The following NUMB variants were observed in gnomAD, a reference collection of about 807,000 sequenced individuals.
The protein encoded by NUMB is protein numb homolog.
In NUMB, 29 loss-of-function variants were observed where a neutral mutation model predicts 59.7. The ratio of observed to expected loss-of-function variants is 0.49; its 90% confidence interval spans 0.36 to 0.66. NUMB has a LOEUF of 0.66. Ranked by LOEUF, NUMB falls within the 30% of genes least tolerant of loss-of-function variation. NUMB has a pLI of 0.00. For missense variants in NUMB, 723 were observed against 822.0 expected (o/e 0.88, Z 1.47); for synonymous variants, 288 against 288.2 (o/e 1.00, Z 0.01).
chr14:73,413,625 G>A (rs1438504122), intron 1 of NUMB, among the ~76,000 whole-genome samples: 1 of 151,736 alleles, frequency 6.6e-6, no homozygotes, highest in Non-Finnish European at 1.5e-5. Flanking sequence ...AGGCCTAGTG[G>A]TGCGCATCTG....
intron 4 of NUMB, among the ~76,000 whole-genome samples, chr14:73,351,993 AAAAATAAAAT>A (rs775353863): frequency 1.5e-4 from 23 of 151,638 alleles, no homozygotes; most frequent in Non-Finnish European, 5.9e-5. Context: ...AAAATAAAAT[AAAAATAAAAT>A]AAAATAAAAT....
intron 2 of NUMB, among the ~76,000 whole-genome samples, chr14:73,385,487 G>C (rs534926239): frequency 7.0e-6 from 1 of 142,168 alleles, no homozygotes; most frequent in Non-Finnish European, 1.5e-5. Flanking sequence ...GCTACATATG[G>C]CTAGTGGCCT....
intron 10 of NUMB, among the ~76,000 whole-genome samples, chr14:73,282,711 G>C (rs993317051): frequency 1.3e-5 from 2 of 152,170 alleles, no homozygotes; most frequent in African/African-American, 4.8e-5. Context: ...AGTATAAAAT[G>C]TCAACAATTA....
intron 6 of NUMB, among the ~76,000 whole-genome samples, chr14:73,316,029 G>C (rs1050893840): frequency 6.6e-6 from 1 of 152,056 alleles, no homozygotes; most frequent in Non-Finnish European, 1.5e-5. Context: ...TGGGATTACA[G>C]GTGCACATCA....
At position 73,294,062 on chromosome 14, in the gene NUMB, T is replaced by C. The variant is rs1311934592; in HGVS notation, c.310-1188A>G. ...TTTTGTTGTATGCTGAGTAACTGCA[T>C]TGTAGTCATTGTGAATGTTGTATGT... On this transcript the variant is annotated intron_variant, in intron 7 of 12. Transcript: ENST00000555238. Among the ~76,000 whole-genome samples the C allele has an allele frequency of 9.9e-5, 15 of 152,242 alleles. 1 individual carries two copies. The highest frequency in any genetic ancestry group is 1.5e-4 in the Non-Finnish European group (10 of 68,048).
At chr14:73,375,788 A>G (rs956938846) in intron 2 of NUMB, among the ~76,000 whole-genome samples, 1 of 152,268 alleles carries the variant, frequency 6.6e-6, no homozygotes, top group African/African-American at 2.4e-5. Context: ...CATCATATTA[A>G]CAGGCTAAAA....
chr14:73,417,432 C>T (rs887573799), intron 1 of NUMB, among the ~76,000 whole-genome samples: 1 of 151,862 alleles, frequency 6.6e-6, no homozygotes, highest in African/African-American at 2.4e-5. Flanking sequence ...GAGTGAGGGG[C>T]AACTGAGCCA....
At chr14:73,375,640 C>G (rs1007311118) in intron 2 of NUMB, among the ~76,000 whole-genome samples, 3 of 152,144 alleles carry the variant, frequency 2.0e-5, no homozygotes, top group Admixed American at 2.0e-4. Flanking sequence ...TGCAACCAAG[C>G]TATTAATAAA....
chr14:73,426,645 G>A (rs73310929), intron 1 of NUMB, among the ~76,000 whole-genome samples: 2,243 of 152,220 alleles, frequency 0.015, 52 homozygotes, highest in African/African-American at 0.048. Context: ...TCAGAAGTTC[G>A]AGAACTGCCT....
At position 73,294,950 on chromosome 14, in the gene NUMB, T is replaced by TTAA. The variant is rs1419411157; in HGVS notation, c.310-2077_310-2076insTTA. 2.9e-3 allele frequency among the ~76,000 whole-genome samples: 71 copies of TTAA among 24,390 alleles called. 1 individual carries two copies. The highest frequency in any genetic ancestry group is 0.014 in the African/African-American group (63 of 4,606). The allele number at this position is 24,390 out of a possible 152,430, so 16.0% of individuals were successfully genotyped here. On this transcript the variant is annotated intron_variant, in intron 7 of 12. Coordinates refer to ENST00000555238, the MANE Select transcript of NUMB (RefSeq NM_001005743.2). ...GGGCAACATAGTGAGAACCCATCTC[T>TTAA]AAAAAAAAAAAAAAAAAAAAAATTA... is the stretch of plus-strand genomic sequence containing the variant.
chr14:73,424,028 G>A (rs750391112), intron 1 of NUMB, among the ~76,000 whole-genome samples: 2 of 150,690 alleles, frequency 1.3e-5, no homozygotes, highest in African/African-American at 2.4e-5. Flanking sequence ...AATGACAGAC[G>A]GTTGTATTAA....
In NUMB at chr14:73,341,179, T is replaced by C. The variant is rs896889851; in HGVS notation, c.126+14447A>G. On this transcript the variant is annotated intron_variant, in intron 4 of 12. Transcript: ENST00000555238. The stretch of plus-strand genomic sequence containing the variant: ...TGGACTAATACACTGACCTACATAA[T>C]GTTACAAATAAAAGGAAAACAGCAG... 2.6e-5 allele frequency among the ~76,000 whole-genome samples: 4 copies of C among 152,312 alleles called. No individual in the cohort carries two copies. In the East Asian group the frequency reaches 7.7e-4, roughly 29 times the overall value.
intron 2 of NUMB, among the ~76,000 whole-genome samples, chr14:73,405,550 G>A (rs553691346): frequency 2.2e-4 from 31 of 143,864 alleles, no homozygotes; most frequent in African/African-American, 5.8e-4. Context: ...TTATCCTCCC[G>A]CCTCATCCCC....
intron 1 of NUMB, among the ~76,000 whole-genome samples, chr14:73,443,239 A>G (rs1206318156): frequency 6.6e-6 from 1 of 152,226 alleles, no homozygotes; most frequent in Non-Finnish European, 1.5e-5. Flanking sequence ...TAAAATGCAC[A>G]TGCCATGGTG....
At chr14:73,425,374 C>T (rs1309780017) in intron 1 of NUMB, among the ~76,000 whole-genome samples, 1 of 152,098 alleles carries the variant, frequency 6.6e-6, no homozygotes, top group Non-Finnish European at 1.5e-5. Flanking sequence ...AATTTTTAAA[C>T]TTTGTTTAAC....
chr14:73,284,750 T>C lies in NUMB; in HGVS notation c.656-376A>G, dbSNP rs1385669819. ...TAGGGGAGGAGAACTTTGGGAACTG[T>C]AGCATTAGAAAGGTCTAAATAAGCA... On this transcript the variant is annotated intron_variant, in intron 9 of 12. Coordinates refer to ENST00000555238, the MANE Select transcript of NUMB (RefSeq NM_001005743.2). 2.9e-5 allele frequency: 5 copies of C among 172,216 alleles called. No individual in the cohort carries two copies. In the East Asian group the frequency reaches 8.3e-4, roughly 29 times the overall value. 10.7% of individuals were successfully genotyped at this position (172,216 alleles called of 1,614,324 possible). A position where few individuals can be genotyped will look rare whatever the true frequency, so the allele number is the denominator to read the frequency against.
intron 4 of NUMB, among the ~76,000 whole-genome samples, chr14:73,345,433 G>C (rs1892862199): frequency 6.6e-6 from 1 of 152,096 alleles, no homozygotes; most frequent in Non-Finnish European, 1.5e-5. Flanking sequence ...CCAAACCCCA[G>C]TGACATGCAA....
chr14:73,350,931 GATA>G (rs962987159), intron 4 of NUMB, among the ~76,000 whole-genome samples: 56 of 152,210 alleles, frequency 3.7e-4, no homozygotes, highest in African/African-American at 1.3e-3. Flanking sequence ...GAATTACTGT[GATA>G]ATATTTTGCT....
chr14:73,323,797 CA>C (rs1427665626), intron 4 of NUMB, among the ~76,000 whole-genome samples: 1 of 151,988 alleles, frequency 6.6e-6, no homozygotes, highest in Non-Finnish European at 1.5e-5. Flanking sequence ...TTTGAAGAGG[CA>C]AAAATTGAAA....
Sources: gnomAD v4.1 joint callset for allele counts (sites outside exome capture counted in the v4.1 genomes callset) on GRCh38, gnomAD v4.1.1 for gene constraint, MANE v1.5 for transcripts, NCBI Gene and HGNC (gene_info 2026-07-23, HGNC 2026-07-21) for gene names.